OSBPL10: variants seen among roughly 807,000 people sequenced by gnomAD.
The protein encoded by OSBPL10 is oxysterol binding protein like 10, also known as oxysterol-binding protein-related protein 10.
A neutral mutation model predicts 81.7 loss-of-function variants in OSBPL10; 49 were observed. The observed-to-expected ratio is 0.60, with a 90% CI of 0.48 to 0.76. The LOEUF (loss-of-function observed/expected upper bound fraction) is 0.76, where lower values mean the gene tolerates loss of function less well. Ranked by LOEUF, OSBPL10 falls within the 30% of genes least tolerant of loss-of-function variation. The pLI is 0.00. For missense variants in OSBPL10, 923 were observed against 987.8 expected, an observed-to-expected ratio of 0.93 and a Z score of 0.88; for synonymous variants, 419 against 383.6, an observed-to-expected ratio of 1.09 and a Z score of -1.08.
intron 6 of OSBPL10, among the ~76,000 whole-genome samples, chr3:31,726,986 G>A (rs976048492): frequency 6.6e-6 from 1 of 151,746 alleles, no homozygotes; most frequent in Admixed American, 6.6e-5. Flanking sequence ...TGGGACCATC[G>A]GCACGTACCC....
intron 7 of OSBPL10, chr3:31,701,775 G>A (rs1695903450): frequency 6.6e-6 from 1 of 152,600 alleles, no homozygotes; most frequent in South Asian, 2.1e-4. Context: ...TGTTGGTGAG[G>A]TTCCTCAGGA....
chr3:31,829,869 AT>A (rs1700193672), intron 4 of OSBPL10, among the ~76,000 whole-genome samples, 170 bp downstream of exon 4: 1 of 152,160 alleles, frequency 6.6e-6, no homozygotes, highest in Admixed American at 6.5e-5. Flanking sequence ...AATAGGAACA[AT>A]TAACTTTTTT....
At chr3:31,799,550 T>C (rs1310152373) in intron 4 of OSBPL10, among the ~76,000 whole-genome samples, 4 of 152,114 alleles carry the variant, frequency 2.6e-5, no homozygotes, top group Non-Finnish European at 4.4e-5. Flanking sequence ...ATTATTGTAA[T>C]AGGGCATAGC....
chr3:31,962,633 T>A (rs1457804937), intron 1 of OSBPL10, among the ~76,000 whole-genome samples: 2 of 151,964 alleles, frequency 1.3e-5, no homozygotes, highest in Non-Finnish European at 2.9e-5. Context: ...CCGCAAGAAA[T>A]GTACAGTTAG....
At chr3:31,715,051 C>CG (rs1696391026) in intron 6 of OSBPL10, 1 of 151,298 alleles carries the variant, frequency 6.6e-6, no homozygotes, top group Admixed American at 6.6e-5. Context: ...GTCAGTACTT[C>CG]GGTTTTCCTC....
chr3:31,752,757 C>T (rs781501587), intron 4 of OSBPL10, among the ~76,000 whole-genome samples: 7 of 152,178 alleles, frequency 4.6e-5, no homozygotes, highest in Non-Finnish European at 8.8e-5. Flanking sequence ...TTGACTGCTT[C>T]GGATTTTTCT....
At chr3:31,812,839 A>C (rs966782873) in intron 4 of OSBPL10, among the ~76,000 whole-genome samples, 24 of 141,566 alleles carry the variant, frequency 1.7e-4, no homozygotes, top group South Asian at 4.6e-4. Flanking sequence ...AAAGAAAGAA[A>C]GAAAGAACGA....
intron 4 of OSBPL10, among the ~76,000 whole-genome samples, chr3:31,759,652 A>G (rs1697975626): frequency 6.6e-6 from 1 of 152,222 alleles, no homozygotes; most frequent in East Asian, 1.9e-4. Flanking sequence ...CTTATCTAAT[A>G]CACCACTGTT....
chr3:31,927,339 T>C (rs1192746880), intron 1 of OSBPL10, among the ~76,000 whole-genome samples: 2 of 152,200 alleles, frequency 1.3e-5, no homozygotes, highest in Admixed American at 6.6e-5. Context: ...ATAAAAGTAA[T>C]TGCTAAAGAA....
intron 3 of OSBPL10, among the ~76,000 whole-genome samples, chr3:31,846,522 A>G (rs1700636573): frequency 6.6e-6 from 1 of 152,020 alleles, no homozygotes; most frequent in Admixed American, 6.6e-5. Context: ...GCTACTTGGG[A>G]GGCTGAGGCT....
At chr3:31,918,899 A>C (rs1696831897) in intron 1 of OSBPL10, among the ~76,000 whole-genome samples, 1 of 152,254 alleles carries the variant, frequency 6.6e-6, no homozygotes, top group Admixed American at 6.5e-5. Context: ...ACACATATGC[A>C]GGCCACAAAT....
At chr3:31,950,348 G>A (rs1457080882) in intron 1 of OSBPL10, among the ~76,000 whole-genome samples, 4 of 152,138 alleles carry the variant, frequency 2.6e-5, no homozygotes, top group African/African-American at 4.8e-5. Context: ...TGACCCTTAA[G>A]CACATGAAGA....
intron 4 of OSBPL10, among the ~76,000 whole-genome samples, chr3:31,812,210 TTAGTAGTG>T (rs982815049): frequency 5.3e-5 from 8 of 152,234 alleles, no homozygotes; most frequent in Admixed American, 3.9e-4. Context: ...TTTTGTACTT[TTAGTAGTG>T]ACGGGATTTT....
At chr3:32,037,673 A>T (rs1164052268) in intron 2 of OSBPL10, 1 of 181,136 alleles carries the variant, frequency 5.5e-6, no homozygotes, top group Non-Finnish European at 1.2e-5. Flanking sequence ...AAGAAAAAAA[A>T]TGATAAAAGA....
intron 1 of OSBPL10, among the ~76,000 whole-genome samples, chr3:31,925,120 T>G (rs1477368855): frequency 6.6e-6 from 1 of 152,196 alleles, no homozygotes; most frequent in Admixed American, 6.5e-5. Flanking sequence ...ACCTATTTCC[T>G]CTAAGTAGTA....
In OSBPL10 at chr3:31,671,035, C is replaced by T; in HGVS notation, c.1727-52G>A. On this transcript the variant is annotated intron_variant, in intron 8 of 11. Transcript: ENST00000396556. ...GGCATGCAAACATGTGAAGAGGGCACTGGGGATCAGAAGAAATGAAGATGG... is the reference window on the plus strand; with the variant it reads ...GGCATGCAAACATGTGAAGAGGGCATTGGGGATCAGAAGAAATGAAGATGG... The T allele has an allele frequency of 2.0e-6, 3 of 1,485,936 alleles. No individual in the cohort carries two copies. The South Asian group carries it at 3.9e-5, about 19-fold the overall frequency. 92.0% of individuals were successfully genotyped at this position (1,485,936 alleles called of 1,614,324 possible). A position where few individuals can be genotyped will look rare whatever the true frequency, so the allele number is the denominator to read the frequency against.
intron 3 of OSBPL10, among the ~76,000 whole-genome samples, chr3:31,843,812 T>C (rs1162235424): frequency 6.6e-6 from 1 of 152,236 alleles, no homozygotes; most frequent in African/African-American, 2.4e-5. Flanking sequence ...AAGTTCACGA[T>C]TGGGTATCTC....
chr3:31,852,741 G>T (rs1276746990), intron 3 of OSBPL10, among the ~76,000 whole-genome samples: 1 of 151,998 alleles, frequency 6.6e-6, no homozygotes, highest in South Asian at 2.1e-4. Context: ...ACCATGCCTG[G>T]CTAATTTTTC....
At chr3:31,776,565 C>A (rs1698554703) in intron 4 of OSBPL10, among the ~76,000 whole-genome samples, 1 of 152,160 alleles carries the variant, frequency 6.6e-6, no homozygotes, top group Admixed American at 6.5e-5. Context: ...TGTCCACCAA[C>A]AGATGAATGG....
Sources: gnomAD v4.1 joint callset for allele counts (sites outside exome capture counted in the v4.1 genomes callset) on GRCh38, gnomAD v4.1.1 for gene constraint, MANE v1.5 for transcripts, NCBI Gene and HGNC (gene_info 2026-07-23, HGNC 2026-07-21) for gene names.